STAG2: variants seen among roughly 807,000 people sequenced by gnomAD.
STAG2 encodes the protein STAG2 cohesin complex component.
A neutral mutation model predicts 108.1 loss-of-function variants in STAG2; 14 were observed. The ratio of observed to expected loss-of-function variants is 0.13; its 90% CI spans 0.09 to 0.20. STAG2 has a LOEUF of 0.20. STAG2 is among the 10% of genes least tolerant of loss of function. The pLI is 1.00. For missense variants in STAG2, 440 were observed against 940.9 expected, an observed-to-expected ratio of 0.47 and a Z score of 6.96; for synonymous variants, 307 against 302.7, an observed-to-expected ratio of 1.01 and a Z score of -0.15.
chrX:124,056,270 C>A (rs2148266828), intron 14 of STAG2, 35 bp downstream of exon 14: 6 of 978,126 alleles, frequency 6.1e-6, no homozygotes, highest in Non-Finnish European at 8.7e-6. Flanking sequence ...TTTTCTAAGG[C>A]ATACTTTCAT....
At position 123,975,884 on chromosome X, in the gene STAG2, A is replaced by G. The variant is rs148124645; in HGVS notation, c.-163+14028A>G. On this transcript the variant is annotated intron_variant, in intron 1 of 34. Coordinates refer to ENST00000371145, the MANE Select transcript of STAG2 (RefSeq NM_001042750.2). ...CTGAATATACTTGAAAAATTTCAGA[A>G]GGATCATTTGGACAATATGGGATTT... is the stretch of plus-strand genomic sequence containing the variant. 6.0e-3 allele frequency among the ~76,000 whole-genome samples: 678 copies of G among 112,949 alleles called. 5 individuals carry two copies. The highest frequency in any genetic ancestry group is 0.02 in the African/African-American group (629 of 31,150).
At chrX:124,028,772 G>T (rs2057191957) in intron 4 of STAG2, among the ~76,000 whole-genome samples, 1 of 96,484 alleles carries the variant, frequency 1.0e-5, no homozygotes, top group African/African-American at 3.8e-5. Context: ...TTTTTGTACT[G>T]TCCAGGAGCT....
intron 3 of STAG2, 37 bp from the exon 4 acceptor site, chrX:124,025,797 AAATTTC>A: frequency 1.0e-6 from 1 of 979,872 alleles, no homozygotes; most frequent in African/African-American, 1.9e-5. Context: ...AACTCAATAT[AAATTTC>A]TAAGGAAGGG....
intron 1 of STAG2, among the ~76,000 whole-genome samples, chrX:123,973,395 A>G (rs2054459890): frequency 9.2e-6 from 1 of 108,594 alleles, no homozygotes; most frequent in African/African-American, 3.4e-5. Flanking sequence ...ACAAAAAATT[A>G]GCCGGGCATG....
intron 30 of STAG2, among the ~76,000 whole-genome samples, chrX:124,088,116 T>G (rs1313887246): frequency 1.8e-5 from 2 of 111,611 alleles, no homozygotes; most frequent in Non-Finnish European, 3.8e-5. Flanking sequence ...TTTTTGAAAG[T>G]TTTTATCATC....
intron 1 of STAG2, among the ~76,000 whole-genome samples, chrX:124,009,417 AGGTAGGTAGGTAGGTAGGTAGG>A: frequency 1.3e-5 from 1 of 78,340 alleles, no homozygotes; most frequent in South Asian, 7.5e-4. Context: ...GTAGGTAGGT[AGGTAGGTAGGTAGGTAGGTAGG>A]TAGGTAGATA....
rs2054123519 is a variant in STAG2, at chrX:123,966,967, C to A, written c.-163+5111C>A. ...GGCATGATCTTGGGCTCCCTGCAAC[C>A]TTTGCCTCCCGGGTTCAAGTGATTC... On this transcript the variant is annotated intron_variant, in intron 1 of 34. Transcript: ENST00000371145. Among the ~76,000 whole-genome samples the A allele has an allele frequency of 3.7e-5, 4 of 108,873 alleles. No homozygotes were observed. The South Asian group carries it at 1.6e-3, about 43-fold the overall frequency. 94.5% of individuals were successfully genotyped at this position (108,873 alleles called of 115,157 possible).
rs372733824 is a variant in STAG2, at chrX:124,095,492, G to T, written c.3783+43G>T. On this transcript the variant is annotated intron_variant, in intron 34 of 34. Transcript: ENST00000371145. ...GTACCCTAGGATTGCAAAATCAGAA[G>T]TATAGGCAGTCTCTCAGTTTGAGGT... 6.8e-6 allele frequency: 7 copies of T among 1,025,922 alleles called. No homozygotes were observed. The African/African-American group carries it at 9.4e-5, about 14-fold the overall frequency. The allele number at this position is 1,025,922 out of a possible 1,213,427, so 84.5% of individuals were successfully genotyped here. A position where few individuals can be genotyped will look rare whatever the true frequency, so the allele number is the denominator to read the frequency against.
At chrX:124,097,798 C>T (rs2059421531) in intron 34 of STAG2, 1 of 251,116 alleles carries the variant, frequency 4.0e-6, no homozygotes, top group Non-Finnish European at 8.2e-6. Flanking sequence ...AATTTGATGC[C>T]AGTTCCTTTT....
At chrX:124,018,868 GTAGAT>G (rs749134190) in intron 1 of STAG2, among the ~76,000 whole-genome samples, 12 of 100,846 alleles carry the variant, frequency 1.2e-4, no homozygotes, top group Non-Finnish European at 2.0e-4. Context: ...AGCTCTTCCT[GTAGAT>G]TAAAGTTTAC....
chrX:124,043,007 T>TC (rs2148162498), intron 7 of STAG2, among the ~76,000 whole-genome samples: 1 of 105,132 alleles, frequency 9.5e-6, no homozygotes, highest in South Asian at 4.5e-4. Flanking sequence ...AGAGTGAGAC[T>TC]CCATCAAAAA....
intron 16 of STAG2, 40 bp downstream of exon 16, chrX:124,061,381 T>G: frequency 1.0e-6 from 1 of 991,544 alleles, no homozygotes; most frequent in Non-Finnish European, 1.4e-6. Flanking sequence ...TTAGACAGTT[T>G]TGTAAGTAGA....
chrX:124,005,682 C>G (rs1455713039), intron 1 of STAG2, among the ~76,000 whole-genome samples: 2 of 111,761 alleles, frequency 1.8e-5, no homozygotes, highest in African/African-American at 6.5e-5. Context: ...GAGATGTAGT[C>G]TGCGGTACAG....
intron 1 of STAG2, among the ~76,000 whole-genome samples, chrX:123,975,474 T>C (rs1052677682): frequency 3.6e-5 from 4 of 112,082 alleles, no homozygotes; most frequent in African/African-American, 1.3e-4. Flanking sequence ...ATACGTACTT[T>C]TTTTTGAGCC....
At chrX:124,072,904 C>CTTTCTT (rs1171307804) in intron 25 of STAG2, among the ~76,000 whole-genome samples, 2 of 72,694 alleles carry the variant, frequency 2.8e-5, no homozygotes, top group African/African-American at 5.6e-5. Context: ...TTCTTTCTTT[C>CTTTCTT]TTTTTTTTTT....
At chrX:123,978,723 G>A (rs1476633446) in intron 1 of STAG2, among the ~76,000 whole-genome samples, 2 of 111,899 alleles carry the variant, frequency 1.8e-5, no homozygotes, top group Non-Finnish European at 3.8e-5. Context: ...AAGCACCCAC[G>A]TGATGCTCCA....
intron 8 of STAG2, among the ~76,000 whole-genome samples, chrX:124,046,125 CATTA>C (rs2057869193): frequency 9.0e-6 from 1 of 111,344 alleles, no homozygotes; most frequent in East Asian, 2.8e-4. Flanking sequence ...ATAAAATAGG[CATTA>C]ATTGTTATGA....
At chrX:124,055,328 A>G (rs924230503) in intron 13 of STAG2, among the ~76,000 whole-genome samples, 2 of 111,896 alleles carry the variant, frequency 1.8e-5, no homozygotes, top group South Asian at 3.7e-4. Flanking sequence ...CAGTGGTCCT[A>G]TGATTTGAAT....
intron 5 of STAG2, among the ~76,000 whole-genome samples, chrX:124,035,936 G>A (rs1286142052): frequency 8.9e-6 from 1 of 111,751 alleles, no homozygotes; most frequent in Non-Finnish European, 1.9e-5. Context: ...TCTTACTGGG[G>A]AGCAATGTCC....
Sources: allele counts gnomAD v4.1 joint callset (sites outside exome capture counted in the v4.1 genomes callset), GRCh38; gene constraint gnomAD v4.1.1; transcripts MANE v1.5; gene names NCBI Gene and HGNC (gene_info 2026-07-23, HGNC 2026-07-21).